Variants in MROH1 observed in about 807,000 individuals in gnomAD.
The protein encoded by MROH1 is maestro heat like repeat family member 1.
In MROH1, 117 loss-of-function variants were observed where a neutral mutation model predicts 116.5. The ratio of observed to expected loss-of-function variants is 1.00; its 90% CI spans 0.86 to 1.17. The LOEUF (loss-of-function observed/expected upper bound fraction) is 1.17. Among genes scored for constraint, MROH1 ranks in the 50% most tolerant of loss-of-function variants. The pLI is 0.00. For synonymous variants in MROH1, 921 were observed against 583.9 expected, an observed-to-expected ratio of 1.58 and a Z score of -8.32; for missense variants, 1,873 against 1,338.5, an observed-to-expected ratio of 1.40 and a Z score of -6.23.
intron 4 of MROH1, among the ~76,000 whole-genome samples, chr8:144,178,817 T>C (rs1824785768): frequency 6.6e-6 from 1 of 152,136 alleles, no homozygotes; most frequent in Non-Finnish European, 1.5e-5. Flanking sequence ...CAGCTTTCAG[T>C]CCCAGTCCTT....
At position 144,243,515 on chromosome 8, in the gene MROH1, C is replaced by T; in HGVS notation, c.2374C>T (p.Leu792Phe). The change falls in exon 25 of 44, where the codon CTT becomes TTT. Residue 792 changes from leucine to phenylalanine, a missense_variant. Coordinates refer to ENST00000326134, the MANE Select transcript of MROH1 (RefSeq NM_032450.3). ...GCAGGACCCAGCCCTGAAGCTGTGC[C>T]TTGTCCAGAGTGTGTGCATGGTCAG... Reference protein sequence around the residue: ...ETKDPALKLCLVQSVCMVSRA... With the variant: ...ETKDPALKLCFVQSVCMVSRA... 1.3e-6 allele frequency: 1 copy of T among 780,066 alleles called. No homozygotes were observed. The highest frequency in any genetic ancestry group is 2.4e-5 in the East Asian group (1 of 41,260). The allele number at this position is 780,066 out of a possible 1,614,324, so 48.3% of individuals were successfully genotyped here. A position where few individuals can be genotyped will look rare whatever the true frequency, so the allele number is the denominator to read the frequency against.
At chr8:144,241,287 T>A in intron 21 of MROH1, 108 bp from the exon 22 acceptor site, 1 of 698,660 alleles carries the variant, frequency 1.4e-6, no homozygotes. Flanking sequence ...TGTGCAAGTG[T>A]GCGCATGTGT....
rs1841481287 is a variant in MROH1, at chr8:144,244,133, G to A, written c.2556-89G>A. Reference sequence around the variant, plus strand: ...CTGGAGCAGAGTAAACATGGCAGTGGCTGTGCTGCCCACACAGGCCTGGAG... The same window carrying A: ...CTGGAGCAGAGTAAACATGGCAGTGACTGTGCTGCCCACACAGGCCTGGAG... On this transcript the variant is annotated intron_variant, in intron 26 of 43. Coordinates refer to ENST00000326134, the MANE Select transcript of MROH1 (RefSeq NM_032450.3). 1.9e-5 allele frequency: 13 copies of A among 702,444 alleles called. 1 individual carries two copies. The highest frequency in any genetic ancestry group is 2.1e-5 in the Non-Finnish European group (8 of 379,912). The allele number at this position is 702,444 out of a possible 1,614,324, so 43.5% of individuals were successfully genotyped here.
At chr8:144,196,431 A>G (rs1829921142) in intron 10 of MROH1, among the ~76,000 whole-genome samples, 1 of 151,468 alleles carries the variant, frequency 6.6e-6, no homozygotes, top group African/African-American at 2.4e-5. Flanking sequence ...ATCTTGACTC[A>G]CTGCAACCTC....
At chr8:144,206,802 G>A (rs111493146) in intron 12 of MROH1, among the ~76,000 whole-genome samples, 9,155 of 151,114 alleles carry the variant, frequency 0.061, 954 homozygotes, top group African/African-American at 0.21. Flanking sequence ...CGAGGCCGAG[G>A]CAGGTGGATC....
chr8:144,155,638 C>CA (rs1817851064), intron 1 of MROH1, among the ~76,000 whole-genome samples: 1 of 125,994 alleles, frequency 7.9e-6, no homozygotes, highest in African/African-American at 2.9e-5. Context: ...AGGTGTTTTT[C>CA]TTTTTTTTTT....
At chr8:144,247,713 G>C in intron 31 of MROH1, 34 bp downstream of exon 31, 5 of 729,360 alleles carry the variant, frequency 6.9e-6, no homozygotes, top group Non-Finnish European at 1.2e-5. Context: ...CGGAAGGCAG[G>C]CTGGCACTGT....
At chr8:144,183,565 A>G (rs1052872422) in intron 7 of MROH1, among the ~76,000 whole-genome samples, 9 of 151,760 alleles carry the variant, frequency 5.9e-5, no homozygotes, top group African/African-American at 1.9e-4. Flanking sequence ...AGGGGAGGTG[A>G]GAGGTTAGAG....
chr8:144,164,592 T>C (rs1452883832), intron 3 of MROH1, among the ~76,000 whole-genome samples: 5 of 151,808 alleles, frequency 3.3e-5, no homozygotes, highest in African/African-American at 1.2e-4. Context: ...GAGATGAGAT[T>C]TTGTCATGTT....
intron 12 of MROH1, among the ~76,000 whole-genome samples, chr8:144,202,063 G>T (rs1353145144): frequency 6.6e-6 from 1 of 151,886 alleles, no homozygotes; most frequent in East Asian, 1.9e-4. Context: ...AAGGGAGGAC[G>T]GGGCAGACGG....
At chr8:144,202,605 G>A (rs1273729540) in intron 12 of MROH1, among the ~76,000 whole-genome samples, 2 of 51,884 alleles carry the variant, frequency 3.9e-5, no homozygotes, top group Non-Finnish European at 1.3e-4. Context: ...GGAGGGAAGC[G>A]CAGGCTCTCT....
At chr8:144,185,439 C>T (rs907898869) in intron 7 of MROH1, among the ~76,000 whole-genome samples, 1 of 150,666 alleles carries the variant, frequency 6.6e-6, no homozygotes, top group Admixed American at 6.6e-5. Flanking sequence ...GCTGCTGCCT[C>T]ATCAAGAGAA....
intron 33 of MROH1, among the ~76,000 whole-genome samples, chr8:144,252,888 G>A (rs1365456146): frequency 2.6e-5 from 4 of 151,922 alleles, no homozygotes; most frequent in Admixed American, 6.6e-5. Context: ...CCCAGGAGGC[G>A]GAAGATGCAG....
chr8:144,158,615 G>A lies in MROH1; in HGVS notation c.-176-2355G>A, dbSNP rs1031555461. On this transcript the variant is annotated intron_variant, in intron 1 of 43. Transcript: ENST00000326134. ...TTTTGATTCCTTTTTAGACCCATGC[G>A]TTATTTCAAAGCATATTAAATAGTT... Among the ~76,000 whole-genome samples the A allele has an allele frequency of 2.4e-4, 36 of 152,106 alleles. 1 individual carries two copies. In the South Asian group the frequency reaches 6.4e-3, roughly 27 times the overall value.
At position 144,163,111 on chromosome 8, in the gene MROH1, C is replaced by G. The variant is rs1256029631; in HGVS notation, c.-56-660C>G. 1.3e-5 allele frequency among the ~76,000 whole-genome samples: 2 copies of G among 152,248 alleles called. No individual in the cohort carries two copies. Among genetic ancestry groups the G allele is most frequent in the African/African-American group, 4.8e-5 (2 of 41,532 alleles). ...GCTGGTCAGGGATGGGTCATGGTGTCTCTCCTTCATTTTTCTCTGGAGTAT... is the reference window on the plus strand; with the variant it reads ...GCTGGTCAGGGATGGGTCATGGTGTGTCTCCTTCATTTTTCTCTGGAGTAT... On this transcript the variant is annotated intron_variant, in intron 2 of 43. Transcript: ENST00000326134. This position sits in a 1 kb window ranked among gnomAD's most constrained non-coding sequence, Gnocchi z 4.4.
intron 4 of MROH1, among the ~76,000 whole-genome samples, chr8:144,174,189 A>G (rs1823230779): frequency 2.0e-5 from 3 of 152,156 alleles, no homozygotes; most frequent in Non-Finnish European, 4.4e-5. Context: ...TATATGTAAA[A>G]TAGGTGAAGG....
rs921870469 is a variant in MROH1, at chr8:144,204,269, C to T, written c.1141+3728C>T. ...GGGACTGCGGGTGTGCACCACCACA[C>T]TCTGCCAGTTTTTTTGTATTTTTGT... On this transcript the variant is annotated intron_variant, in intron 12 of 43. Coordinates refer to ENST00000326134, the MANE Select transcript of MROH1 (RefSeq NM_032450.3). Among the ~76,000 whole-genome samples the T allele has an allele frequency of 5.3e-5, 8 of 152,278 alleles. No homozygotes were observed. In the East Asian group the frequency reaches 1.5e-3, roughly 29 times the overall value.
intron 8 of MROH1, among the ~76,000 whole-genome samples, 197 bp from the exon 9 acceptor site, chr8:144,191,518 C>T (rs1588043504): frequency 6.6e-6 from 1 of 152,208 alleles, no homozygotes; most frequent in African/African-American, 2.4e-5. Flanking sequence ...TACAAACCCC[C>T]TGGGCCTGGC....
At chr8:144,177,967 C>CTTTTTTTTTTTT (rs61011280) in intron 4 of MROH1, among the ~76,000 whole-genome samples, 1 of 143,830 alleles carries the variant, frequency 7.0e-6, no homozygotes, top group Non-Finnish European at 1.5e-5. Context: ...ATTTCTTCTT[C>CTTTTTTTTTTTT]TTTTTTTTTT....
Sources: gnomAD v4.1 joint callset for allele counts (sites outside exome capture counted in the v4.1 genomes callset) on GRCh38, gnomAD v4.1.1 for gene constraint, Gnocchi (gnomAD v3.1) non-coding constraint, MANE v1.5 for transcripts, NCBI Gene and HGNC (gene_info 2026-07-23, HGNC 2026-07-21) for gene names.